The following DCDC1 variants were observed in gnomAD, a reference collection of about 807,000 sequenced individuals.
The protein encoded by DCDC1 is doublecortin domain containing 1.
In DCDC1, 200 loss-of-function variants were observed where a neutral mutation model predicts 178.3. The observed-to-expected ratio is 1.12, with a 90% CI of 1.00 to 1.26. The LOEUF is 1.26. Among genes scored for constraint, DCDC1 ranks in the 50% most tolerant of loss-of-function variants. DCDC1 has a pLI of 0.00. For synonymous variants in DCDC1, 690 were observed against 604.8 expected, an observed-to-expected ratio of 1.14 and a Z score of -2.07; for missense variants, 1,983 against 1,749.2, an observed-to-expected ratio of 1.13 and a Z score of -2.38.
At chr11:31,287,482 C>G (rs1265232475) in intron 7 of DCDC1, among the ~76,000 whole-genome samples, 2 of 151,720 alleles carry the variant, frequency 1.3e-5, no homozygotes, top group Non-Finnish European at 2.9e-5. Context: ...TGACACTTTT[C>G]AAACTGAAAA....
At chr11:31,083,324 A>G (rs1057474758) in intron 17 of DCDC1, among the ~76,000 whole-genome samples, 2 of 152,238 alleles carry the variant, frequency 1.3e-5, no homozygotes, top group African/African-American at 4.8e-5. Context: ...TTCTGTATTT[A>G]TTCTGATTTA....
chr11:31,275,242 T>C (rs1340476189), intron 7 of DCDC1, among the ~76,000 whole-genome samples: 1 of 152,224 alleles, frequency 6.6e-6, no homozygotes, highest in Non-Finnish European at 1.5e-5. Context: ...TATAAAATTA[T>C]GCTGTAAAGT....
chr11:30,997,727 A>T (rs1456237608), intron 20 of DCDC1, among the ~76,000 whole-genome samples: 2 of 152,178 alleles, frequency 1.3e-5, no homozygotes, highest in Non-Finnish European at 2.9e-5. Flanking sequence ...CCAAGACAGG[A>T]ATGTTAGAAT....
In DCDC1 at chr11:31,042,614, C is replaced by T. The variant is rs370731804; in HGVS notation, c.2591+21855G>A. Among the ~76,000 whole-genome samples the T allele has an allele frequency of 2.6e-5, 4 of 152,000 alleles. No individual in the cohort carries two copies. In the East Asian group the frequency reaches 7.7e-4, roughly 29 times the overall value. On this transcript the variant is annotated intron_variant, in intron 20 of 38. Coordinates refer to ENST00000684477, the MANE Select transcript of DCDC1 (RefSeq NM_001387274.1). Reference sequence around the variant, plus strand: ...TTTTTTTTTTCCAGCCCACTATGACCGCTTCACACTAGTGAGCAGGTGAGT... The same window carrying T: ...TTTTTTTTTTCCAGCCCACTATGACTGCTTCACACTAGTGAGCAGGTGAGT...
At chr11:31,264,523 A>G (rs567795247) in intron 8 of DCDC1, among the ~76,000 whole-genome samples, 4 of 152,088 alleles carry the variant, frequency 2.6e-5, no homozygotes, top group Admixed American at 2.6e-4. Flanking sequence ...TTGCATCCCA[A>G]CTCCACCACT....
intron 32 of DCDC1, among the ~76,000 whole-genome samples, chr11:30,903,049 G>A (rs1280880171): frequency 6.6e-6 from 1 of 152,066 alleles, no homozygotes; most frequent in Non-Finnish European, 1.5e-5. Flanking sequence ...AAAGCATAGA[G>A]AGGACACCTT....
Position 31,163,671 on chromosome 11 carries a change from CAT to C in DCDC1, c.1222-25889_1222-25888del, listed in dbSNP as rs201063672. Among the ~76,000 whole-genome samples the C allele has an allele frequency of 1.8e-3, 281 of 152,154 alleles. 4 individuals carry two copies. In the East Asian group the frequency reaches 0.049, roughly 27 times the overall value. On this transcript the variant is annotated intron_variant, in intron 9 of 38. Transcript: ENST00000684477. ...CAGAAATCAAAGCTGCAAAAAGGAA[CAT>C]GTGTTTAAGCATATTGCATTTATCT...
At position 30,911,498 on chromosome 11, in the gene DCDC1, T is replaced by A; in HGVS notation, c.3654-78A>T. 6.4e-6 allele frequency: 7 copies of A among 1,086,092 alleles called. No individual in the cohort carries two copies. The South Asian group carries it at 9.4e-5, about 15-fold the overall frequency. 67.3% of individuals were successfully genotyped at this position (1,086,092 alleles called of 1,614,324 possible). ...TCCCTCTGTGCCACTTAGCACTGTGTTGCCTCTCAGCTCCATGCATGCTCT... is the reference window on the plus strand; with the variant it reads ...TCCCTCTGTGCCACTTAGCACTGTGATGCCTCTCAGCTCCATGCATGCTCT... On this transcript the variant is annotated intron_variant, in intron 27 of 38. Transcript: ENST00000684477.
intron 28 of DCDC1, 85 bp from the exon 29 acceptor site, chr11:30,909,201 T>C: frequency 8.2e-7 from 1 of 1,221,436 alleles, no homozygotes; most frequent in Non-Finnish European, 1.1e-6. Flanking sequence ...ATCCAGAAAG[T>C]GCAGATAATT....
chr11:31,108,306 T>C (rs1958985249), intron 12 of DCDC1, among the ~76,000 whole-genome samples: 1 of 152,202 alleles, frequency 6.6e-6, no homozygotes, highest in Non-Finnish European at 1.5e-5. Flanking sequence ...CTCTCCTCTT[T>C]AGGTGTATAA....
chr11:30,916,869 C>T lies in DCDC1; in HGVS notation c.3452+1G>A, dbSNP rs760939276. 2 of 1,598,660 alleles carry T rather than the reference C, an allele frequency of 1.3e-6. No individual in the cohort carries two copies. The highest frequency in any genetic ancestry group is 1.7e-6 in the Non-Finnish European group (2 of 1,173,574). ...AAGAGGAATCCTTTGCAACTTTTTA[C>T]CTGTGTTTCTTCTGTGGTTCCACAT... On this transcript the variant is annotated splice_donor_variant, in intron 26 of 38. Transcript: ENST00000684477. LOFTEE classifies it high-confidence loss of function.
At chr11:31,156,179 C>G (rs1345903716) in intron 9 of DCDC1, 3 of 152,082 alleles carry the variant, frequency 2.0e-5, no homozygotes, top group Admixed American at 2.0e-4. Flanking sequence ...TTGTGTTTTA[C>G]AAAATTCAAA....
intron 22 of DCDC1, among the ~76,000 whole-genome samples, chr11:30,930,620 A>G (rs894759255): frequency 6.6e-6 from 1 of 152,150 alleles, no homozygotes; most frequent in Non-Finnish European, 1.5e-5. Context: ...TACCATTTCA[A>G]TCTCTTAAAA....
intron 12 of DCDC1, among the ~76,000 whole-genome samples, chr11:31,107,875 T>G (rs981381698): frequency 2.0e-5 from 3 of 152,184 alleles, no homozygotes; most frequent in African/African-American, 7.2e-5. Context: ...TGTCTCTCGG[T>G]TTCTTGTTAT....
At chr11:31,229,141 G>A (rs2136754355) in intron 9 of DCDC1, among the ~76,000 whole-genome samples, 1 of 152,132 alleles carries the variant, frequency 6.6e-6, no homozygotes, top group South Asian at 2.1e-4. Flanking sequence ...CAAAACTCCA[G>A]GCCCAGATGG....
intron 11 of DCDC1, among the ~76,000 whole-genome samples, chr11:31,122,328 T>A (rs1292748939): frequency 6.6e-6 from 1 of 152,076 alleles, no homozygotes; most frequent in Non-Finnish European, 1.5e-5. Flanking sequence ...TGGGGTGCTA[T>A]TGGTTATGCT....
At chr11:30,931,140 A>G (rs974396374) in intron 22 of DCDC1, among the ~76,000 whole-genome samples, 4 of 152,110 alleles carry the variant, frequency 2.6e-5, no homozygotes, top group African/African-American at 9.7e-5. Context: ...CTCTTCAATG[A>G]TCTATGATGC....
chr11:31,365,772 C>T (rs755302654), intron 1 of DCDC1, among the ~76,000 whole-genome samples: 2 of 152,146 alleles, frequency 1.3e-5, no homozygotes, highest in Non-Finnish European at 2.9e-5. Context: ...ATTTAATATA[C>T]GCCTACCTTG....
chr11:31,070,151 C>A (rs1956468056), intron 18 of DCDC1, among the ~76,000 whole-genome samples: 1 of 152,146 alleles, frequency 6.6e-6, no homozygotes, highest in Non-Finnish European at 1.5e-5. Flanking sequence ...TACTTTAATA[C>A]CACAGTTATT....
Sources: allele counts gnomAD v4.1 joint callset (sites outside exome capture counted in the v4.1 genomes callset), GRCh38; gene constraint gnomAD v4.1.1; transcripts MANE v1.5; gene names NCBI Gene and HGNC (gene_info 2026-07-23, HGNC 2026-07-21).